Variants in ADISSP observed in about 807,000 individuals in gnomAD.
The protein encoded by ADISSP is adipose-secreted signaling protein.
chr20:3,761,336 G>GTT, the ADISSP span, among the ~76,000 whole-genome samples: 72 of 141,622 alleles, frequency 5.1e-4, no homozygotes, highest in Admixed American at 7.7e-4. Flanking sequence ...TATGGTTTTT[G>GTT]TTTTTTTTTT....
the ADISSP span, among the ~76,000 whole-genome samples, chr20:3,756,648 T>C: frequency 6.6e-6 from 1 of 152,192 alleles, no homozygotes; most frequent in Non-Finnish European, 1.5e-5. Flanking sequence ...GCTCTGCTGG[T>C]AGGGGGCACA....
the ADISSP span, among the ~76,000 whole-genome samples, chr20:3,764,982 G>T: frequency 6.6e-6 from 1 of 152,222 alleles, no homozygotes; most frequent in Non-Finnish European, 1.5e-5. Flanking sequence ...CTTTGAGAGG[G>T]ACATGCCCCA....
the ADISSP span, chr20:3,760,245 G>A: frequency 3.1e-6 from 2 of 647,136 alleles, no homozygotes; most frequent in East Asian, 2.7e-5. Flanking sequence ...CCATGGCTCA[G>A]GGACACCAGA....
chr20:3,756,424 CAGGGGGG>C, the ADISSP span, among the ~76,000 whole-genome samples: 1 of 149,940 alleles, frequency 6.7e-6, no homozygotes, highest in African/African-American at 2.5e-5. Flanking sequence ...GGTTGCTGAG[CAGGGGGG>C]CTGGTGGGGG....
the ADISSP span, among the ~76,000 whole-genome samples, chr20:3,756,222 TG>T: frequency 1.3e-5 from 2 of 152,236 alleles, no homozygotes; most frequent in East Asian, 3.8e-4. Context: ...GCCACTGAAC[TG>T]GGGCTCCTGG....
the ADISSP span, among the ~76,000 whole-genome samples, chr20:3,759,232 G>C: frequency 6.6e-6 from 1 of 152,106 alleles, no homozygotes; most frequent in East Asian, 1.9e-4. The surrounding 1 kb of genome is among the most constrained non-coding windows in gnomAD (Gnocchi z 4.6). Context: ...CCACCTGGGC[G>C]AGGCTGCAGC....
the ADISSP span, chr20:3,760,051 GCAAGT>G: frequency 6.2e-7 from 1 of 1,610,638 alleles, no homozygotes; most frequent in Non-Finnish European, 8.5e-7. Context: ...AAGAGCTTGT[GCAAGT>G]CCTACCACGC....
At chr20:3,762,802 C>T in the ADISSP span, among the ~76,000 whole-genome samples, 1 of 152,096 alleles carries the variant, frequency 6.6e-6, no homozygotes, top group African/African-American at 2.4e-5. Flanking sequence ...ATTATTTGGC[C>T]CTTCAGAGCA....
At chr20:3,761,973 T>C in the ADISSP span, among the ~76,000 whole-genome samples, 31,492 of 152,246 alleles carry the variant, frequency 0.21, 4,011 homozygotes, top group East Asian at 0.38. Context: ...GTTTTTGTTT[T>C]TGTTTTCAAA....
the ADISSP span, among the ~76,000 whole-genome samples, chr20:3,764,436 C>A: frequency 1.3e-5 from 2 of 152,174 alleles, no homozygotes; most frequent in Admixed American, 6.5e-5. Context: ...CCTGACCGTC[C>A]CCCCGCCCTG....
chr20:3,760,604 G>A, the ADISSP span, among the ~76,000 whole-genome samples: 4 of 152,364 alleles, frequency 2.6e-5, no homozygotes, highest in African/African-American at 9.6e-5. Flanking sequence ...GGTCACACAA[G>A]CAATGCAGCT....
the ADISSP span, among the ~76,000 whole-genome samples, chr20:3,756,838 A>G: frequency 0.012 from 1,830 of 152,314 alleles, 42 homozygotes; most frequent in African/African-American, 0.042. Context: ...AGCTAAGTCA[A>G]TGATGACACG....
At chr20:3,764,836 G>T in the ADISSP span, among the ~76,000 whole-genome samples, 1 of 152,248 alleles carries the variant, frequency 6.6e-6, no homozygotes, top group Non-Finnish European at 1.5e-5. Flanking sequence ...CTCTGAGGAA[G>T]CAGAACTCCC....
At chr20:3,754,576 C>T in the ADISSP span, 6 of 1,583,690 alleles carry the variant, frequency 3.8e-6, no homozygotes, top group East Asian at 6.8e-5. Context: ...CGATCCTGCC[C>T]CTGGCACTCA....
chr20:3,757,314 T>C, the ADISSP span, among the ~76,000 whole-genome samples: 8 of 151,800 alleles, frequency 5.3e-5, no homozygotes, highest in Admixed American at 2.0e-4. Flanking sequence ...GGCGCCACTG[T>C]ACTCCAGCCT....
At chr20:3,758,535 C>T in the ADISSP span, 1 of 1,613,138 alleles carries the variant, frequency 6.2e-7, no homozygotes, top group Non-Finnish European at 8.5e-7. This position sits in a 1 kb window ranked among gnomAD's most constrained non-coding sequence, Gnocchi z 5.5. Flanking sequence ...TGTGCATGTA[C>T]CTTGACCAGA....
the ADISSP span, chr20:3,759,967 A>G: frequency 5.6e-6 from 8 of 1,430,548 alleles, no homozygotes; most frequent in Non-Finnish European, 7.5e-6. The surrounding 1 kb of genome is among the most constrained non-coding windows in gnomAD (Gnocchi z 4.6). Flanking sequence ...ACACGCACTC[A>G]CACATGCACA....
At chr20:3,757,980 C>G in the ADISSP span, among the ~76,000 whole-genome samples, 13 of 150,208 alleles carry the variant, frequency 8.7e-5, no homozygotes, top group African/African-American at 2.7e-4. Context: ...GCCTCAGTCT[C>G]CATTTTCCCC....
chr20:3,753,928 G>T, the ADISSP span: 2 of 683,842 alleles, frequency 2.9e-6, no homozygotes, highest in East Asian at 2.7e-5. Context: ...GGTGAGAGGC[G>T]TGGGCAAGGC....
Sources: gnomAD v4.1 joint callset for allele counts (sites outside exome capture counted in the v4.1 genomes callset) on GRCh38, gnomAD v4.1.1 for gene constraint, Gnocchi (gnomAD v3.1) non-coding constraint, MANE v1.5 for transcripts, NCBI Gene and HGNC (gene_info 2026-07-23, HGNC 2026-07-21) for gene names.